RREB1: variants seen among roughly 807,000 people sequenced by gnomAD.
The protein encoded by RREB1 is ras-responsive element-binding protein 1.
A neutral mutation model predicts 117.8 loss-of-function variants in RREB1; 27 were observed. The ratio of observed to expected loss-of-function variants is 0.23; its 90% CI spans 0.17 to 0.32. The LOEUF is 0.32. Among genes scored for constraint, RREB1 ranks in the 10% least tolerant of loss-of-function variants. The probability of loss-of-function intolerance (pLI) is 1.00; values close to 1 mark genes in which losing one functional copy is unlikely to be tolerated. For missense variants in RREB1, 2,577 were observed against 2,378.2 expected (o/e 1.08, Z -1.74); for synonymous variants, 1,298 against 1,026.7 (o/e 1.26, Z -5.05).
In RREB1 at chr6:7,251,620, A is replaced by G. The variant is rs1769415873; in HGVS notation, c.*2652A>G. 1 of 151,822 alleles carries G rather than the reference A, an allele frequency of 6.6e-6. No individual in the cohort carries two copies. The highest frequency in any genetic ancestry group is 1.9e-4 in the East Asian group (1 of 5,172). The allele number at this position is 151,822 out of a possible 1,614,324, so 9.4% of individuals were successfully genotyped here. A position where few individuals can be genotyped will look rare whatever the true frequency, so the allele number is the denominator to read the frequency against. On this transcript the variant is annotated 3_prime_UTR_variant, in exon 13 of 13. Coordinates refer to ENST00000379938, the MANE Select transcript of RREB1 (RefSeq NM_001003699.4). ...TGTTCCAAGCAGCGCTGGGGAAGCT[A>G]CGTAACAGTCGGATGCCAGTTTTGG...
rs1767762779 is a variant in RREB1 at position 7,229,206 on chromosome 6, G to A, written c.1107G>A (p.Leu369=). 1.2e-6 allele frequency: 2 copies of A among 1,612,830 alleles called. No individual in the cohort carries two copies. The highest frequency in any genetic ancestry group is 1.7e-6 in the Non-Finnish European group (2 of 1,179,158). ...DQKGFLALLG[L]QHTKDVRPAP... Reference sequence around the variant, plus strand: ...AGGGCTTCCTGGCCTTGCTTGGCCTGCAGCACACCAAAGACGTCAGGCCTG... The same window carrying A: ...AGGGCTTCCTGGCCTTGCTTGGCCTACAGCACACCAAAGACGTCAGGCCTG... Residue 369 remains leucine (L), a synonymous_variant, in exon 10 of 13, where the codon CTG becomes CTA. Transcript: ENST00000379938. This position sits in a 1 kb window ranked among gnomAD's most constrained non-coding sequence, Gnocchi z 4.5.
chr6:7,241,014 G>T (rs575077505), intron 11 of RREB1, among the ~76,000 whole-genome samples: 5 of 152,114 alleles, frequency 3.3e-5, no homozygotes, highest in Admixed American at 3.3e-4. Flanking sequence ...CAGCCTCCTC[G>T]GGAGCAGGCC....
intron 1 of RREB1, among the ~76,000 whole-genome samples, chr6:7,112,514 C>A (rs1761193920): frequency 6.6e-6 from 1 of 152,062 alleles, no homozygotes; most frequent in African/African-American, 2.4e-5. Context: ...TAGAAGTAGC[C>A]ATGGCAGTTT....
intron 4 of RREB1, among the ~76,000 whole-genome samples, chr6:7,182,841 T>G (rs1378885567): frequency 1.3e-5 from 2 of 152,212 alleles, no homozygotes; most frequent in Non-Finnish European, 2.9e-5. Flanking sequence ...TTTAACTAAT[T>G]TAATGAGACT....
chr6:7,170,626 C>G (rs192867054), intron 1 of RREB1, among the ~76,000 whole-genome samples: 1 of 152,360 alleles, frequency 6.6e-6, no homozygotes, highest in East Asian at 1.9e-4. Context: ...CCTTGCCTGT[C>G]TGAAGCCTAC....
At chr6:7,162,843 TA>T (rs1234848272) in intron 1 of RREB1, among the ~76,000 whole-genome samples, 3 of 152,104 alleles carry the variant, frequency 2.0e-5, no homozygotes, top group Admixed American at 6.5e-5. Context: ...ATTTTATTTT[TA>T]TTTTTTTATT....
At chr6:7,213,069 C>T (rs1016069514) in intron 8 of RREB1, 3 of 152,212 alleles carry the variant, frequency 2.0e-5, no homozygotes, top group African/African-American at 7.2e-5. Context: ...AGGACCTCAG[C>T]CAGCTACATC....
chr6:7,133,622 GAAA>G (rs1762240113), intron 1 of RREB1, among the ~76,000 whole-genome samples: 1 of 150,156 alleles, frequency 6.7e-6, no homozygotes, highest in African/African-American at 2.4e-5. Flanking sequence ...GGAATATGAA[GAAA>G]AAACAAGTTA....
intron 1 of RREB1, among the ~76,000 whole-genome samples, chr6:7,152,250 T>C (rs1347854222): frequency 6.6e-6 from 1 of 152,238 alleles, no homozygotes; most frequent in African/African-American, 2.4e-5. Flanking sequence ...TTATGAAAAG[T>C]ACAGAAATAA....
intron 6 of RREB1, among the ~76,000 whole-genome samples, chr6:7,194,784 G>A (rs1381211909): frequency 2.0e-5 from 3 of 152,192 alleles, no homozygotes; most frequent in African/African-American, 7.2e-5. Flanking sequence ...AAGGTTTACA[G>A]TGTACTATGG....
intron 6 of RREB1, among the ~76,000 whole-genome samples, chr6:7,201,866 C>G (rs1369777868): frequency 6.6e-6 from 1 of 152,142 alleles, no homozygotes; most frequent in Non-Finnish European, 1.5e-5. Context: ...TTCTGGGGCC[C>G]TCCTCTCCAG....
intron 11 of RREB1, 83 bp from the exon 12 acceptor site, chr6:7,246,341 C>G: frequency 7.7e-7 from 1 of 1,290,672 alleles, no homozygotes; most frequent in South Asian, 1.6e-5. Context: ...TGGCGTGGGT[C>G]TAGCCCATTC....
intron 9 of RREB1, among the ~76,000 whole-genome samples, chr6:7,228,495 C>CTTTTTTTTT (rs568193582): frequency 9.9e-5 from 9 of 91,232 alleles, no homozygotes; most frequent in African/African-American, 4.1e-4. Flanking sequence ...AGAAGGTCAA[C>CTTTTTTTTT]TTTTTTTTTT....
chr6:7,243,746 A>G (rs1768849810), intron 11 of RREB1, among the ~76,000 whole-genome samples: 1 of 152,204 alleles, frequency 6.6e-6, no homozygotes. Context: ...ATCTCTCTCC[A>G]TTATCCGCGC....
At position 7,229,866 on chromosome 6, in the gene RREB1, G is replaced by C. The variant is rs1399681966; in HGVS notation, c.1767G>C (p.Gln589His). 1.9e-6 allele frequency: 3 copies of C among 1,610,690 alleles called. No homozygotes were observed. The Admixed American group carries it at 5.0e-5, about 27-fold the overall frequency. Residue 589 changes from glutamine (Q) to histidine (H), a missense_variant, in exon 10 of 13, where the codon CAG becomes CAC. By Grantham distance (24) the Gln-to-His change is conservative. Transcript: ENST00000379938. The surrounding 1 kb of genome is among the most constrained non-coding windows in gnomAD (Gnocchi z 4.5). ...AGCCGCGGGCGGAGCTGCCGGGCCA[G>C]CCTGAGATGAAGACGCAGCTGGAGC... ...LQQPRAELPGQPEMKTQLEQD... is the reference protein window; with the variant it reads ...LQQPRAELPGHPEMKTQLEQD...
At chr6:7,111,624 C>G (rs759043243) in intron 1 of RREB1, among the ~76,000 whole-genome samples, 43 of 152,180 alleles carry the variant, frequency 2.8e-4, no homozygotes, top group Non-Finnish European at 5.9e-4. Flanking sequence ...TCTGAATCTT[C>G]TATGTCCTTT....
In RREB1 at chr6:7,246,882, G is replaced by A. The variant is rs910878315; in HGVS notation, c.4432G>A (p.Glu1478Lys). The A allele has an allele frequency of 1.9e-6, 3 of 1,552,822 alleles. No individual in the cohort carries two copies. The highest frequency in any genetic ancestry group is 1.4e-5 in the African/African-American group (1 of 73,210). The change falls in exon 12 of 13, where the codon GAG becomes AAG. Residue 1478 changes from glutamate to lysine, a missense_variant. Coordinates refer to ENST00000379938, the MANE Select transcript of RREB1 (RefSeq NM_001003699.4). Reference protein sequence around the residue: ...KAHGRQEPKDEKGDGASTAEE... With the variant: ...KAHGRQEPKDKKGDGASTAEE... Reference sequence around the variant, plus strand: ...GCACGGCCGCCAGGAGCCCAAGGACGAGAAGGGAGATGGCGCCAGCACTGC... The same window carrying A: ...GCACGGCCGCCAGGAGCCCAAGGACAAGAAGGGAGATGGCGCCAGCACTGC...
chr6:7,216,345 T>C (rs993252116), intron 8 of RREB1: 3 of 152,210 alleles, frequency 2.0e-5, no homozygotes, highest in African/African-American at 7.2e-5. Flanking sequence ...GGTGCTTCAC[T>C]TAATTTCCTC....
chr6:7,240,592 T>C lies in RREB1; in HGVS notation c.3963T>C (p.His1321=), dbSNP rs1183126238. ...CAAAAGAGAGTGATGTTGGATCCCA[T>C]GATAGCACAGGTAGTGCCGCCAGGT... The part of the protein sequence containing the change: ...PQSKESDVGS[H]DSTDSQSDAE... The change falls in exon 11 of 13, where the codon CAT becomes CAC. Residue 1321 remains histidine (H), a synonymous_variant. Transcript: ENST00000379938. 6.2e-7 allele frequency: 1 copy of C among 1,612,340 alleles called. No homozygotes were observed. The highest frequency in any genetic ancestry group is 8.5e-7 in the Non-Finnish European group (1 of 1,179,088).
Sources: allele counts gnomAD v4.1 joint callset (sites outside exome capture counted in the v4.1 genomes callset), GRCh38; gene constraint gnomAD v4.1.1; non-coding constraint Gnocchi (gnomAD v3.1); transcripts MANE v1.5; gene names NCBI Gene and HGNC (gene_info 2026-07-23, HGNC 2026-07-21).